Variants in CDH18 observed in about 807,000 individuals in gnomAD.
The protein encoded by CDH18 is cadherin-18.
Under a neutral mutation model 67.9 loss-of-function variants are expected in CDH18, and 31 were observed. The ratio of observed to expected loss-of-function variants is 0.46; its 90% CI spans 0.34 to 0.62. The LOEUF (loss-of-function observed/expected upper bound fraction) is 0.62. CDH18 is among the 20% of genes least tolerant of loss of function. CDH18 has a pLI of 0.01. For missense variants in CDH18, 890 were observed against 975.5 expected, an observed-to-expected ratio of 0.91 and a Z score of 1.17; for synonymous variants, 362 against 347.2, an observed-to-expected ratio of 1.04 and a Z score of -0.48.
intron 9 of CDH18, among the ~76,000 whole-genome samples, chr5:19,530,059 C>T (rs1338603646): frequency 6.6e-6 from 1 of 152,082 alleles, no homozygotes; most frequent in African/African-American, 2.4e-5. Flanking sequence ...AAAACTATAG[C>T]AATCATAGCA....
intron 1 of CDH18, among the ~76,000 whole-genome samples, chr5:19,986,487 C>G (rs941336622): frequency 2.0e-5 from 3 of 152,158 alleles, no homozygotes; most frequent in Admixed American, 2.0e-4. Context: ...GGTATCAGTT[C>G]CTTTTTGTTT....
At chr5:19,708,552 G>A (rs1764259198) in intron 5 of CDH18, among the ~76,000 whole-genome samples, 1 of 152,142 alleles carries the variant, frequency 6.6e-6, no homozygotes, top group Admixed American at 6.6e-5. Flanking sequence ...ACATACTCCT[G>A]ATGGCTATGA....
At chr5:19,828,367 C>T (rs971963049) in intron 3 of CDH18, among the ~76,000 whole-genome samples, 1 of 140,334 alleles carries the variant, frequency 7.1e-6, no homozygotes, top group Non-Finnish European at 1.5e-5. Context: ...ACTCAGTCTA[C>T]AAGGCCAGCA....
intron 2 of CDH18, among the ~76,000 whole-genome samples, chr5:19,944,694 C>T (rs59252975): frequency 1.3e-5 from 2 of 152,056 alleles, no homozygotes; most frequent in South Asian, 4.1e-4. Context: ...CATGCTATGT[C>T]CATTTCTTCA....
At chr5:20,540,649 C>T (rs1757002842) in intron 1 of CDH18, among the ~76,000 whole-genome samples, 2 of 152,170 alleles carry the variant, frequency 1.3e-5, no homozygotes, top group African/African-American at 4.8e-5. Flanking sequence ...ATTGGTAGCA[C>T]ATCCAGATGC....
At chr5:19,477,761 G>A (rs960280036) in intron 12 of CDH18, among the ~76,000 whole-genome samples, 2 of 152,054 alleles carry the variant, frequency 1.3e-5, no homozygotes, top group African/African-American at 2.4e-5. Flanking sequence ...TCTTCTTACA[G>A]TGAGTCATCT....
intron 2 of CDH18, among the ~76,000 whole-genome samples, chr5:20,140,527 A>G (rs1373227366): frequency 6.6e-6 from 1 of 152,100 alleles, no homozygotes; most frequent in Admixed American, 6.6e-5. Flanking sequence ...AAAGGGTGGC[A>G]TCCTCTAACT....
intron 5 of CDH18, among the ~76,000 whole-genome samples, chr5:19,653,171 C>T (rs1264465893): frequency 1.3e-5 from 2 of 151,746 alleles, no homozygotes; most frequent in Non-Finnish European, 1.5e-5. Context: ...GCAAAAACCG[C>T]CATTACATTT....
intron 1 of CDH18, among the ~76,000 whole-genome samples, chr5:20,526,537 G>T (rs1355222821): frequency 1.3e-5 from 2 of 152,060 alleles, no homozygotes; most frequent in African/African-American, 4.8e-5. Context: ...TGCCCCTCTG[G>T]GACGAAGCTT....
chr5:19,528,937 A>G (rs1158074715), intron 9 of CDH18, among the ~76,000 whole-genome samples: 3 of 151,960 alleles, frequency 2.0e-5, no homozygotes, highest in South Asian at 4.1e-4. Flanking sequence ...AATAAACTAC[A>G]TAATTACAAT....
intron 7 of CDH18, among the ~76,000 whole-genome samples, chr5:19,582,048 C>T (rs1418282529): frequency 6.6e-6 from 1 of 151,916 alleles, no homozygotes; most frequent in Non-Finnish European, 1.5e-5. Context: ...TACATGTTTG[C>T]TTTCTGTCAT....
rs935474480 is a variant in CDH18 at position 19,794,502 on chromosome 5, G to T, written c.228+44257C>A. Among the ~76,000 whole-genome samples, 11 of 152,018 alleles carry T rather than the reference G, an allele frequency of 7.2e-5. No homozygotes were observed. The East Asian group carries it at 2.1e-3, about 30-fold the overall frequency. ...TCCAATGTTGAGACAGAAGATAATG[G>T]GATTTCTTGGCCTCCATTAACAATG... On this transcript the variant is annotated intron_variant, in intron 3 of 12. Coordinates refer to ENST00000382275, the MANE Select transcript of CDH18 (RefSeq NM_004934.5).
At chr5:19,613,858 G>A (rs1197114970) in intron 5 of CDH18, among the ~76,000 whole-genome samples, 1 of 151,898 alleles carries the variant, frequency 6.6e-6, no homozygotes, top group Non-Finnish European at 1.5e-5. Flanking sequence ...GTATTTATAT[G>A]TCCATCTATA....
chr5:20,067,289 A>G (rs1743063436), intron 2 of CDH18, among the ~76,000 whole-genome samples: 1 of 151,472 alleles, frequency 6.6e-6, no homozygotes, highest in African/African-American at 2.4e-5. Context: ...ATTAAAGAAA[A>G]AAGAAGCAAT....
At chr5:19,575,171 G>A (rs1742118954) in intron 7 of CDH18, among the ~76,000 whole-genome samples, 3 of 152,002 alleles carry the variant, frequency 2.0e-5, no homozygotes, top group Admixed American at 2.0e-4. Context: ...TAAACTGTAG[G>A]GTTTTTAGTA....
intron 1 of CDH18, among the ~76,000 whole-genome samples, chr5:20,377,461 T>G (rs1743555909): frequency 6.6e-6 from 1 of 152,206 alleles, no homozygotes; most frequent in Non-Finnish European, 1.5e-5. Context: ...TATACACTAG[T>G]TAATTGTAGG....
At chr5:20,462,737 T>C (rs1000882247) in intron 1 of CDH18, among the ~76,000 whole-genome samples, 1 of 152,266 alleles carries the variant, frequency 6.6e-6, no homozygotes, top group South Asian at 2.1e-4. Flanking sequence ...TCTTATGCAG[T>C]CCACAAAATC....
chr5:20,018,251 A>AC (rs1738061374), intron 2 of CDH18, among the ~76,000 whole-genome samples: 1 of 152,160 alleles, frequency 6.6e-6, no homozygotes, highest in African/African-American at 2.4e-5. Flanking sequence ...ACATATTTAC[A>AC]CCCTTTTTCT....
At chr5:19,994,171 C>T (rs958156655) in intron 2 of CDH18, among the ~76,000 whole-genome samples, 1 of 151,822 alleles carries the variant, frequency 6.6e-6, no homozygotes, top group Non-Finnish European at 1.5e-5. Flanking sequence ...TCAGCTTTGT[C>T]AACTGAATGA....
Sources: allele counts gnomAD v4.1 joint callset (sites outside exome capture counted in the v4.1 genomes callset), GRCh38; gene constraint gnomAD v4.1.1; transcripts MANE v1.5; gene names NCBI Gene and HGNC (gene_info 2026-07-23, HGNC 2026-07-21).